The following AUTS2 variants were observed in gnomAD, a reference collection of about 807,000 sequenced individuals.
AUTS2 encodes autism susceptibility gene 2 protein.
A neutral mutation model predicts 112.4 loss-of-function variants in AUTS2; 17 were observed. The observed-to-expected ratio is 0.15, with a 90% CI of 0.10 to 0.23. The LOEUF is 0.23. AUTS2 is among the 10% of genes least tolerant of loss of function. The probability of loss-of-function intolerance (pLI) is 1.00; values close to 1 mark genes in which losing one functional copy is unlikely to be tolerated. For missense variants in AUTS2, 1,510 were observed against 1,701.6 expected, an observed-to-expected ratio of 0.89 and a Z score of 1.98; for synonymous variants, 751 against 702.7, an observed-to-expected ratio of 1.07 and a Z score of -1.09.
chr7:70,775,996 G>A (rs1405827350), intron 13 of AUTS2, among the ~76,000 whole-genome samples: 3 of 152,158 alleles, frequency 2.0e-5, no homozygotes, highest in Non-Finnish European at 4.4e-5. Context: ...TTCTTGCTAT[G>A]CATAACTCAT....
chr7:70,541,206 T>C (rs950581986), intron 5 of AUTS2, among the ~76,000 whole-genome samples: 1 of 152,180 alleles, frequency 6.6e-6, no homozygotes, highest in Non-Finnish European at 1.5e-5. Flanking sequence ...CAGCCCTGCA[T>C]CCTTCTAATT....
At chr7:70,523,813 G>A (rs1326687893) in intron 5 of AUTS2, among the ~76,000 whole-genome samples, 2 of 152,192 alleles carry the variant, frequency 1.3e-5, no homozygotes, top group South Asian at 2.1e-4. Context: ...AGGCTGCACT[G>A]GAAACATCAC....
At chr7:70,526,514 A>C (rs1009081277) in intron 5 of AUTS2, among the ~76,000 whole-genome samples, 3 of 152,180 alleles carry the variant, frequency 2.0e-5, no homozygotes, top group Non-Finnish European at 4.4e-5. Context: ...TCTACTAAAA[A>C]TACATAAATT....
intron 4 of AUTS2, among the ~76,000 whole-genome samples, chr7:70,140,566 G>A (rs915214018): frequency 2.6e-5 from 4 of 152,138 alleles, no homozygotes; most frequent in African/African-American, 9.7e-5. Flanking sequence ...TACTTGCTGT[G>A]ATGCTAGGAA....
At chr7:70,020,770 A>G (rs1398117590) in intron 2 of AUTS2, among the ~76,000 whole-genome samples, 2 of 151,512 alleles carry the variant, frequency 1.3e-5, no homozygotes, top group Non-Finnish European at 2.9e-5. Flanking sequence ...TGCAGCCTTG[A>G]TCTCCCAGGC....
rs911635138 is a variant in AUTS2, at chr7:70,790,697, G to A, written c.3481G>A (p.Asp1161Asn). The change falls in exon 19 of 19, where the codon GAC becomes AAC. Residue 1161 changes from aspartate to asparagine, a missense_variant. By Grantham distance (23) the Asp-to-Asn change is conservative. Transcript: ENST00000342771. The surrounding 1 kb of genome is among the most constrained non-coding windows in gnomAD (Gnocchi z 7.6). ...GGAGCGCTTGCACATGCTCAGAGAAGACTACGAGCACACGCGGCTCCACTC... is the reference window on the plus strand; with the variant it reads ...GGAGCGCTTGCACATGCTCAGAGAAAACTACGAGCACACGCGGCTCCACTC... ...ERERLHMLRE[D>N]YEHTRLHSVH... 1 of 1,613,662 alleles carries A rather than the reference G, an allele frequency of 6.2e-7. No homozygotes were observed.
At chr7:70,472,521 T>C (rs980053562) in intron 5 of AUTS2, among the ~76,000 whole-genome samples, 1 of 152,160 alleles carries the variant, frequency 6.6e-6, no homozygotes, top group Non-Finnish European at 1.5e-5. Context: ...CTGATTTATG[T>C]ACACTATATT....
At chr7:70,444,030 G>C (rs1796219516) in intron 5 of AUTS2, among the ~76,000 whole-genome samples, 1 of 152,140 alleles carries the variant, frequency 6.6e-6, no homozygotes, top group South Asian at 2.1e-4. Context: ...GCTTCCCCTT[G>C]GGTGAATGAG....
intron 1 of AUTS2, among the ~76,000 whole-genome samples, chr7:69,699,845 A>T (rs1797731777): frequency 6.6e-6 from 1 of 151,964 alleles, no homozygotes; most frequent in African/African-American, 2.4e-5. Flanking sequence ...GGGTTTCGCC[A>T]TGTTGTCCAG....
At chr7:69,826,891 A>G (rs1224485083) in intron 1 of AUTS2, among the ~76,000 whole-genome samples, 2 of 152,134 alleles carry the variant, frequency 1.3e-5, no homozygotes, top group Admixed American at 6.5e-5. Context: ...TATGTGTTCT[A>G]TGCTGTCTAC....
intron 4 of AUTS2, among the ~76,000 whole-genome samples, chr7:70,260,516 G>T (rs1006883747): frequency 1.3e-5 from 2 of 152,132 alleles, no homozygotes; most frequent in Admixed American, 6.5e-5. Context: ...CTCCAAGGCA[G>T]CACAGGGTGT....
chr7:70,519,803 A>G (rs1799569728), intron 5 of AUTS2, among the ~76,000 whole-genome samples: 1 of 152,156 alleles, frequency 6.6e-6, no homozygotes, highest in Admixed American at 6.5e-5. Flanking sequence ...ACTTAATATG[A>G]GCAGCTTCTA....
At chr7:70,182,855 C>T (rs1347486104) in intron 4 of AUTS2, among the ~76,000 whole-genome samples, 1 of 152,026 alleles carries the variant, frequency 6.6e-6, no homozygotes, top group Non-Finnish European at 1.5e-5. Context: ...AGCTTCCATT[C>T]TCATCTCTTG....
At chr7:70,022,495 A>G (rs2129555458) in intron 2 of AUTS2, among the ~76,000 whole-genome samples, 1 of 151,948 alleles carries the variant, frequency 6.6e-6, no homozygotes, top group East Asian at 1.9e-4. Flanking sequence ...TAATTTTTGT[A>G]TTTTTAGTAG....
chr7:69,827,159 C>T (rs764377836), intron 1 of AUTS2, among the ~76,000 whole-genome samples: 1 of 152,136 alleles, frequency 6.6e-6, no homozygotes, highest in Non-Finnish European at 1.5e-5. Context: ...GAGCCACACC[C>T]AGGAATCTGC....
intron 5 of AUTS2, among the ~76,000 whole-genome samples, chr7:70,649,544 T>TTTA (rs1233644010): frequency 6.8e-5 from 5 of 73,038 alleles, no homozygotes; most frequent in African/African-American, 9.9e-5. Flanking sequence ...TTATTTATTT[T>TTTA]TTGAGACGGA....
intron 4 of AUTS2, among the ~76,000 whole-genome samples, chr7:70,338,082 C>T (rs1258611779): frequency 6.6e-6 from 1 of 152,222 alleles, no homozygotes; most frequent in Non-Finnish European, 1.5e-5. Flanking sequence ...CTGCCAATCT[C>T]CAGTAATCTT....
intron 1 of AUTS2, among the ~76,000 whole-genome samples, chr7:69,855,992 T>C (rs747419220): frequency 1.5e-4 from 23 of 152,224 alleles, no homozygotes; most frequent in Non-Finnish European, 2.4e-4. Flanking sequence ...ACAGTTAGCT[T>C]GCCTGTGGCT....
chr7:70,245,144 GTATATATATA>G (rs71077638), intron 4 of AUTS2, among the ~76,000 whole-genome samples: 2 of 108,996 alleles, frequency 1.8e-5, no homozygotes, highest in Non-Finnish European at 3.4e-5. Flanking sequence ...GTGTGTGTGT[GTATATATATA>G]TATATATATA....
Sources: gnomAD v4.1 joint callset for allele counts (sites outside exome capture counted in the v4.1 genomes callset) on GRCh38, gnomAD v4.1.1 for gene constraint, Gnocchi (gnomAD v3.1) non-coding constraint, MANE v1.5 for transcripts, NCBI Gene and HGNC (gene_info 2026-07-23, HGNC 2026-07-21) for gene names.